The following GALNT10 variants were observed in gnomAD, a reference collection of about 807,000 sequenced individuals.
GALNT10 encodes polypeptide N-acetylgalactosaminyltransferase 10, also known as GalNAc transferase 10.
GALNT10 carries 41 observed loss-of-function variants against 75.0 expected under a neutral mutation model. The observed-to-expected ratio is 0.55, with a 90% confidence interval of 0.43 to 0.71. The LOEUF is 0.71. Among genes scored for constraint, GALNT10 ranks in the 30% least tolerant of loss-of-function variants. The probability of loss-of-function intolerance (pLI) is 0.00; values close to 1 mark genes in which losing one functional copy is unlikely to be tolerated. For synonymous variants in GALNT10, 302 were observed against 313.0 expected (o/e 0.96, Z 0.37); for missense variants, 727 against 818.5 (o/e 0.89, Z 1.36).
At chr5:154,320,481 G>A (rs1018615627) in intron 3 of GALNT10, among the ~76,000 whole-genome samples, 9 of 150,678 alleles carry the variant, frequency 6.0e-5, no homozygotes, top group South Asian at 4.3e-4. Context: ...ACCCCACCCC[G>A]CCCCCAACCC....
At chr5:154,227,008 A>G (rs1753073538) in intron 1 of GALNT10, among the ~76,000 whole-genome samples, 1 of 150,854 alleles carries the variant, frequency 6.6e-6, no homozygotes, top group South Asian at 2.1e-4. Context: ...TCATTCATGT[A>G]GCATGTATCA....
rs528768231 is a variant in GALNT10, at chr5:154,401,217, A to G, written c.1057-2887A>G. Reference sequence around the variant, plus strand: ...TTGGAAATTTATCATCCACCTGCATAAAGTTAGGTGCCTCTGCCAAGCAGA... The same window carrying G: ...TTGGAAATTTATCATCCACCTGCATGAAGTTAGGTGCCTCTGCCAAGCAGA... On this transcript the variant is annotated intron_variant, in intron 7 of 11. Coordinates refer to ENST00000297107, the MANE Select transcript of GALNT10 (RefSeq NM_198321.4). Among the ~76,000 whole-genome samples, 5 of 152,372 alleles carry G rather than the reference A, an allele frequency of 3.3e-5. No individual in the cohort carries two copies. In the South Asian group the frequency reaches 6.2e-4, roughly 19 times the overall value.
intron 3 of GALNT10, among the ~76,000 whole-genome samples, chr5:154,301,500 T>C (rs753384058): frequency 3.3e-5 from 5 of 151,932 alleles, no homozygotes; most frequent in Non-Finnish European, 7.4e-5. Context: ...AATTGGGAAA[T>C]CCATCACCTC....
At position 154,298,454 on chromosome 5, in the gene GALNT10, T is replaced by C. The variant is rs1754314732; in HGVS notation, c.401+375T>C. Among the ~76,000 whole-genome samples, 1 of 152,226 alleles carries C rather than the reference T, an allele frequency of 6.6e-6. No individual in the cohort carries two copies. The highest frequency in any genetic ancestry group is 2.4e-5 in the African/African-American group (1 of 41,440). On this transcript the variant is annotated intron_variant, in intron 3 of 11. Coordinates refer to ENST00000297107, the MANE Select transcript of GALNT10 (RefSeq NM_198321.4). This position sits in a 1 kb window ranked among gnomAD's most constrained non-coding sequence, Gnocchi z 4.1. ...AAAATCTTTCTATATATTTGTATCT[T>C]TGTTATAAACCATCTCTAATCACAT... is the stretch of plus-strand genomic sequence containing the variant.
chr5:154,266,408 A>G (rs930687814), intron 1 of GALNT10, among the ~76,000 whole-genome samples: 2 of 152,066 alleles, frequency 1.3e-5, no homozygotes, highest in Non-Finnish European at 2.9e-5. Flanking sequence ...TAAATTTTTT[A>G]TTTTGAGTTA....
intron 1 of GALNT10, among the ~76,000 whole-genome samples, chr5:154,277,448 T>C (rs1753969230): frequency 6.8e-6 from 1 of 147,090 alleles, no homozygotes; most frequent in Admixed American, 6.6e-5. Context: ...CCAACTTCAA[T>C]AGGTGTGGAA....
At chr5:154,197,462 G>A (rs1443739334) in intron 1 of GALNT10, among the ~76,000 whole-genome samples, 4 of 152,110 alleles carry the variant, frequency 2.6e-5, no homozygotes, top group African/African-American at 4.8e-5. Context: ...GTATTTATGC[G>A]TGTGTAGCTT....
chr5:154,391,758 G>A (rs1755900390), intron 7 of GALNT10, among the ~76,000 whole-genome samples: 1 of 152,234 alleles, frequency 6.6e-6, no homozygotes, highest in Non-Finnish European at 1.5e-5. Context: ...CAGGGACTCA[G>A]TCATCTCACT....
At chr5:154,343,791 T>C (rs543731377) in intron 4 of GALNT10, among the ~76,000 whole-genome samples, 2 of 152,310 alleles carry the variant, frequency 1.3e-5, no homozygotes, top group South Asian at 2.1e-4. Context: ...TTGGGACATA[T>C]AAAACTCACC....
chr5:154,270,231 A>G (rs544081587), intron 1 of GALNT10, among the ~76,000 whole-genome samples: 3 of 150,206 alleles, frequency 2.0e-5, no homozygotes, highest in South Asian at 2.2e-4. Flanking sequence ...CCACACATCT[A>G]TTTCCTGCGG....
intron 7 of GALNT10, among the ~76,000 whole-genome samples, chr5:154,401,458 C>T (rs1756160783): frequency 6.6e-6 from 1 of 152,226 alleles, no homozygotes; most frequent in African/African-American, 2.4e-5. Context: ...ACATCAATCA[C>T]TTTGTATAAA....
chr5:154,301,311 A>T (rs751801870), intron 3 of GALNT10, among the ~76,000 whole-genome samples: 1 of 152,190 alleles, frequency 6.6e-6, no homozygotes, highest in Non-Finnish European at 1.5e-5. Flanking sequence ...CTTGAATCCC[A>T]TGGACACTCA....
intron 5 of GALNT10, among the ~76,000 whole-genome samples, chr5:154,379,424 A>T (rs1755701935): frequency 6.6e-6 from 1 of 152,234 alleles, no homozygotes; most frequent in Admixed American, 6.5e-5. Flanking sequence ...CTATCACTTG[A>T]TGAAGGAAGC....
rs774367607 is a variant in GALNT10 at position 154,298,082 on chromosome 5, G to C, written c.401+3G>C. 1.2e-6 allele frequency: 2 copies of C among 1,612,098 alleles called. No homozygotes were observed. The highest frequency in any genetic ancestry group is 1.1e-5 in the South Asian group (1 of 90,936). Reference sequence around the variant, plus strand: ...CTCCCAGATATCCGGCACCCAAAGTGAGTGTAACATCTCTCAAATTCTGAG... The same window carrying C: ...CTCCCAGATATCCGGCACCCAAAGTCAGTGTAACATCTCTCAAATTCTGAG... On this transcript the variant is annotated splice_donor_region_variant and intron_variant, in intron 3 of 11. Coordinates refer to ENST00000297107, the MANE Select transcript of GALNT10 (RefSeq NM_198321.4). The surrounding 1 kb of genome is among the most constrained non-coding windows in gnomAD (Gnocchi z 4.1).
chr5:154,252,270 T>C (rs1405996562), intron 1 of GALNT10, among the ~76,000 whole-genome samples: 1 of 152,132 alleles, frequency 6.6e-6, no homozygotes, highest in African/African-American at 2.4e-5. Context: ...TATAGGTGAG[T>C]ATATAGTTAA....
chr5:154,282,682 T>C (rs769832141), intron 1 of GALNT10, among the ~76,000 whole-genome samples: 20 of 152,238 alleles, frequency 1.3e-4, no homozygotes, highest in Non-Finnish European at 2.6e-4. Flanking sequence ...GCCCATTAAG[T>C]TGACCTGAAG....
At chr5:154,330,892 T>C (rs1246297607) in intron 4 of GALNT10, among the ~76,000 whole-genome samples, 3 of 136,006 alleles carry the variant, frequency 2.2e-5, no homozygotes, top group Admixed American at 1.4e-4. Flanking sequence ...TACAGAGGCC[T>C]CAGAGAGACA....
At chr5:154,406,938 T>G (rs948947995) in intron 8 of GALNT10, among the ~76,000 whole-genome samples, 10 of 152,204 alleles carry the variant, frequency 6.6e-5, no homozygotes, top group African/African-American at 2.4e-4. Context: ...ACTGAGATTG[T>G]ACGGACTCCG....
At chr5:154,321,352 C>T (rs1317008425) in intron 3 of GALNT10, among the ~76,000 whole-genome samples, 1 of 151,848 alleles carries the variant, frequency 6.6e-6, no homozygotes, top group Non-Finnish European at 1.5e-5. Flanking sequence ...CTCTGTCACC[C>T]AGAGTGCAGT....
Sources: allele counts gnomAD v4.1 joint callset (sites outside exome capture counted in the v4.1 genomes callset), GRCh38; gene constraint gnomAD v4.1.1; non-coding constraint Gnocchi (gnomAD v3.1); transcripts MANE v1.5; gene names NCBI Gene and HGNC (gene_info 2026-07-23, HGNC 2026-07-21).